The following C1D variants were observed in gnomAD, a reference collection of about 807,000 sequenced individuals.
C1D encodes the protein nuclear nucleic acid-binding protein C1D.
In C1D, 10 loss-of-function variants were observed where a neutral mutation model predicts 17.5. The ratio of observed to expected loss-of-function variants is 0.57; its 90% CI spans 0.35 to 0.97. The LOEUF (loss-of-function observed/expected upper bound fraction) is 0.97, where lower values mean the gene tolerates loss of function less well. C1D is among the 50% of genes least tolerant of loss of function. The pLI, the probability that C1D is intolerant of heterozygous loss-of-function variation, is 0.01. For missense variants in C1D, 136 were observed against 160.1 expected (o/e 0.85, Z 0.81); for synonymous variants, 49 against 54.0 (o/e 0.91, Z 0.40).
At chr2:68,050,121 C>G (rs2103801960) in intron 1 of C1D, among the ~76,000 whole-genome samples, 1 of 152,306 alleles carries the variant, frequency 6.6e-6, no homozygotes, top group South Asian at 2.1e-4. Flanking sequence ...TACCCTTTGA[C>G]TCAGGAAATC....
intron 1 of C1D, among the ~76,000 whole-genome samples, chr2:68,054,981 A>T (rs201589526): frequency 1.5e-4 from 22 of 143,126 alleles, no homozygotes; most frequent in East Asian, 1.2e-3. Context: ...TTTTTTTTTA[A>T]AAAAAAAAAA....
chr2:68,055,520 T>A (rs562345642), intron 1 of C1D, among the ~76,000 whole-genome samples: 5 of 151,640 alleles, frequency 3.3e-5, no homozygotes, highest in African/African-American at 1.2e-4. Context: ...AAGAAGAGAT[T>A]TAAGAGATGT....
chr2:68,051,981 C>G (rs749336044), intron 1 of C1D, among the ~76,000 whole-genome samples: 57 of 151,926 alleles, frequency 3.8e-4, no homozygotes, highest in Non-Finnish European at 6.8e-4. Flanking sequence ...ACAGTCAATA[C>G]ATTTGTTGAA....
At chr2:68,055,156 C>T (rs955754084) in intron 1 of C1D, among the ~76,000 whole-genome samples, 2 of 151,988 alleles carry the variant, frequency 1.3e-5, no homozygotes, top group Non-Finnish European at 2.9e-5. Context: ...AAAAGAATCA[C>T]GACTTTGCAA....
At chr2:68,049,005 T>G (rs921222405) in intron 1 of C1D, among the ~76,000 whole-genome samples, 5 of 152,094 alleles carry the variant, frequency 3.3e-5, no homozygotes, top group Non-Finnish European at 7.4e-5. Context: ...GAGACCAGCC[T>G]GGCCAACATA....
intron 2 of C1D, among the ~76,000 whole-genome samples, chr2:68,046,850 GT>G (rs1016315965): frequency 4.3e-4 from 66 of 152,266 alleles, no homozygotes; most frequent in African/African-American, 1.5e-3. Context: ...TCAATTTACT[GT>G]TTTTGTCCTA....
chr2:68,044,480 G>A (rs1022036606), intron 4 of C1D, among the ~76,000 whole-genome samples: 4 of 152,200 alleles, frequency 2.6e-5, no homozygotes, highest in East Asian at 1.9e-4. Flanking sequence ...AGGCCGAGGC[G>A]GGCAGATCAC....
At chr2:68,055,171 T>A (rs948678798) in intron 1 of C1D, among the ~76,000 whole-genome samples, 2 of 152,192 alleles carry the variant, frequency 1.3e-5, no homozygotes, top group South Asian at 4.1e-4. Context: ...TTGCAACGCC[T>A]AATGAAATTG....
intron 1 of C1D, among the ~76,000 whole-genome samples, chr2:68,061,936 A>G (rs1031921477): frequency 6.6e-6 from 1 of 152,226 alleles, no homozygotes; most frequent in East Asian, 1.9e-4. Context: ...ACTTGTCACT[A>G]TCTTTCAACA....
rs1334702081 is a variant in C1D at position 68,042,529 on chromosome 2, C to T, written c.*360G>A. On this transcript the variant is annotated 3_prime_UTR_variant, in exon 5 of 5. Coordinates refer to ENST00000410067, the MANE Select transcript of C1D (RefSeq NM_173177.3). ...ATAATTTCAGCCTACAGATAGCATA[C>T]TTCATAAGGTCATTATTCATTTAAA... The T allele has an allele frequency of 6.1e-6, 1 of 163,320 alleles. No individual in the cohort carries two copies. Among genetic ancestry groups the T allele is most frequent in the African/African-American group, 2.4e-5 (1 of 41,522 alleles). The allele number at this position is 163,320 out of a possible 1,614,324, so 10.1% of individuals were successfully genotyped here. A position where few individuals can be genotyped will look rare whatever the true frequency, so the allele number is the denominator to read the frequency against.
chr2:68,062,936 A>C (rs17034905), intron 1 of C1D, 22 bp downstream of exon 1: 2 of 152,234 alleles, frequency 1.3e-5, no homozygotes, highest in African/African-American at 4.8e-5. Flanking sequence ...AGAAAAACTG[A>C]AACTACACCT....
intron 1 of C1D, among the ~76,000 whole-genome samples, chr2:68,052,332 C>T (rs1324108352): frequency 2.6e-5 from 4 of 152,048 alleles, no homozygotes; most frequent in Non-Finnish European, 5.9e-5. Context: ...ATTTTTTTAA[C>T]TCTTCATTCT....
intron 1 of C1D, among the ~76,000 whole-genome samples, chr2:68,056,294 G>T (rs1055917844): frequency 1.3e-5 from 2 of 151,890 alleles, no homozygotes; most frequent in South Asian, 4.2e-4. Flanking sequence ...TAGGAGAGAC[G>T]GGGTTTCACC....
At chr2:68,059,619 CA>C (rs1422177822) in intron 1 of C1D, among the ~76,000 whole-genome samples, 2 of 152,106 alleles carry the variant, frequency 1.3e-5, no homozygotes, top group African/African-American at 2.4e-5. Context: ...TTGATAAATC[CA>C]AAGGTGTCAA....
intron 1 of C1D, among the ~76,000 whole-genome samples, chr2:68,059,412 C>T (rs1021209608): frequency 2.0e-5 from 3 of 152,142 alleles, no homozygotes; most frequent in African/African-American, 7.2e-5. Context: ...CCTAGTGAAA[C>T]TTATCAATCC....
intron 1 of C1D, among the ~76,000 whole-genome samples, chr2:68,051,710 T>C (rs1671286402): frequency 6.6e-6 from 1 of 151,940 alleles, no homozygotes; most frequent in African/African-American, 2.4e-5. Context: ...GAATACTCTA[T>C]TCCTCTCTTC....
At chr2:68,046,255 G>A (rs1487654061) in intron 3 of C1D, 89 bp downstream of exon 3, 20 of 1,055,894 alleles carry the variant, frequency 1.9e-5, no homozygotes, top group Non-Finnish European at 2.7e-5. Context: ...AAGTATAATT[G>A]TAAATAAATT....
chr2:68,043,949 A>T (rs2103790806), intron 4 of C1D, among the ~76,000 whole-genome samples: 1 of 152,334 alleles, frequency 6.6e-6, no homozygotes, highest in South Asian at 2.1e-4. Context: ...CACACACACC[A>T]ACCTGCCTTG....
At chr2:68,057,216 G>A (rs1009634042) in intron 1 of C1D, among the ~76,000 whole-genome samples, 3 of 152,012 alleles carry the variant, frequency 2.0e-5, no homozygotes, top group Admixed American at 1.3e-4. Flanking sequence ...GCAGTGGTGC[G>A]ATCTCAACTC....
Sources: gnomAD v4.1 joint callset for allele counts (sites outside exome capture counted in the v4.1 genomes callset) on GRCh38, gnomAD v4.1.1 for gene constraint, MANE v1.5 for transcripts, NCBI Gene and HGNC (gene_info 2026-07-23, HGNC 2026-07-21) for gene names.